Variants in KAZN observed in about 807,000 individuals in gnomAD.
The protein encoded by KAZN is kazrin, periplakin interacting protein, also known as kazrin.
KAZN carries 40 observed loss-of-function variants against 87.4 expected under a neutral mutation model. That is an observed-to-expected ratio of 0.46 (90% CI 0.36 to 0.60). The LOEUF (loss-of-function observed/expected upper bound fraction) is 0.60, where lower values mean the gene tolerates loss of function less well. Among genes scored for constraint, KAZN ranks in the 20% least tolerant of loss-of-function variants. The pLI, the probability that KAZN is intolerant of heterozygous loss-of-function variation, is 0.00. For missense variants in KAZN, 898 were observed against 1,073.9 expected (o/e 0.84, Z 2.29); for synonymous variants, 466 against 458.3 (o/e 1.02, Z -0.22).
At chr1:14,821,664 G>A (rs1023757776) in intron 1 of KAZN, among the ~76,000 whole-genome samples, 1 of 152,112 alleles carries the variant, frequency 6.6e-6, no homozygotes, top group Non-Finnish European at 1.5e-5. Context: ...GAAGACAGCC[G>A]TCTACAAGCC....
rs149428911 is a variant in KAZN at position 14,516,044 on chromosome 1, G to A, written c.250-82939G>A. Among the ~76,000 whole-genome samples, 134 of 152,214 alleles carry A rather than the reference G, an allele frequency of 8.8e-4. 1 individual carries two copies. The highest frequency in any genetic ancestry group is 6.8e-3 in the Middle Eastern group (2 of 294). ...AGAAAAATAGTAAATTAGTAAGATG[G>A]TACTCCAACTGCCTGGCCAACCAGG... is the stretch of plus-strand genomic sequence containing the variant. On this transcript the variant is annotated intron_variant, in intron 2 of 16. Transcript: ENST00000636203.
intron 1 of KAZN, among the ~76,000 whole-genome samples, chr1:13,933,691 T>A (rs985493642): frequency 1.3e-5 from 2 of 152,226 alleles, no homozygotes; most frequent in African/African-American, 4.8e-5. Flanking sequence ...GTCATTTTAA[T>A]GGTGAGAATA....
At chr1:13,983,388 C>T (rs1220572291) in intron 1 of KAZN, among the ~76,000 whole-genome samples, 2 of 152,262 alleles carry the variant, frequency 1.3e-5, no homozygotes, top group Admixed American at 6.5e-5. Flanking sequence ...AGTACACTCT[C>T]CGCAGCCATT....
At chr1:14,757,020 G>A (rs1321092050) in intron 1 of KAZN, among the ~76,000 whole-genome samples, 2 of 152,160 alleles carry the variant, frequency 1.3e-5, no homozygotes, top group Admixed American at 6.6e-5. Flanking sequence ...AGAAATTGTT[G>A]CACATTGTCA....
At chr1:14,670,641 C>T (rs143756664) in intron 1 of KAZN, among the ~76,000 whole-genome samples, 23 of 152,228 alleles carry the variant, frequency 1.5e-4, no homozygotes, top group Non-Finnish European at 2.5e-4. Flanking sequence ...CAAATGAGCC[C>T]GATTCATACC....
chr1:14,321,328 G>A (rs1042340970), intron 2 of KAZN, among the ~76,000 whole-genome samples: 1 of 152,100 alleles, frequency 6.6e-6, no homozygotes, highest in Non-Finnish European at 1.5e-5. Context: ...GCCGAGCAAG[G>A]GGAAAAGGAG....
intron 1 of KAZN, among the ~76,000 whole-genome samples, chr1:13,924,087 G>GT (rs1238054947): frequency 5.9e-5 from 9 of 152,146 alleles, no homozygotes; most frequent in Non-Finnish European, 7.4e-5. Flanking sequence ...CTGTACTTTT[G>GT]TTTTTTTCAT....
chr1:14,822,782 T>C (rs1348446493), intron 1 of KAZN, among the ~76,000 whole-genome samples: 1 of 152,150 alleles, frequency 6.6e-6, no homozygotes, highest in Admixed American at 6.5e-5. Context: ...GCTGGCTCTG[T>C]GGCGAGTGCT....
At chr1:14,185,873 G>A (rs959432740) in intron 2 of KAZN, among the ~76,000 whole-genome samples, 2 of 152,216 alleles carry the variant, frequency 1.3e-5, no homozygotes, top group East Asian at 1.9e-4. Flanking sequence ...CTCTGTCATC[G>A]TTGTAAAATC....
intron 1 of KAZN, among the ~76,000 whole-genome samples, chr1:13,914,384 A>T (rs1054579532): frequency 6.6e-6 from 1 of 152,232 alleles, no homozygotes; most frequent in Non-Finnish European, 1.5e-5. Context: ...TAAAACTTGT[A>T]TGAATTGCAC....
At chr1:14,203,315 C>T (rs937054595) in intron 2 of KAZN, among the ~76,000 whole-genome samples, 1 of 152,094 alleles carries the variant, frequency 6.6e-6, no homozygotes, top group Non-Finnish European at 1.5e-5. Flanking sequence ...TAGAGAATGG[C>T]TTCAGGGCAC....
At chr1:14,446,562 G>A (rs145745341) in intron 2 of KAZN, among the ~76,000 whole-genome samples, 2 of 152,316 alleles carry the variant, frequency 1.3e-5, no homozygotes, top group East Asian at 1.9e-4. Flanking sequence ...GCTAAACCAT[G>A]GAGGCTAGGG....
intron 2 of KAZN, among the ~76,000 whole-genome samples, chr1:14,301,977 C>T (rs921954683): frequency 5.8e-4 from 88 of 152,112 alleles, no homozygotes; most frequent in African/African-American, 1.7e-3. Context: ...TAATATCTAC[C>T]GCTCCCAATT....
At chr1:14,130,596 A>T (rs1460559466) in intron 1 of KAZN, among the ~76,000 whole-genome samples, 1 of 149,768 alleles carries the variant, frequency 6.7e-6, no homozygotes, top group African/African-American at 2.5e-5. Context: ...ACCTTCTGCC[A>T]TCAAAATAAT....
At chr1:14,530,880 T>C (rs1429541568) in intron 2 of KAZN, among the ~76,000 whole-genome samples, 1 of 152,082 alleles carries the variant, frequency 6.6e-6, no homozygotes, top group Non-Finnish European at 1.5e-5. Flanking sequence ...AACCCAGGAA[T>C]TTGAGACTTG....
chr1:14,039,907 T>TAA (rs936053083), intron 1 of KAZN, among the ~76,000 whole-genome samples: 28 of 152,326 alleles, frequency 1.8e-4, no homozygotes, highest in African/African-American at 6.3e-4. Flanking sequence ...CAGCAAATCT[T>TAA]TTTTAACATC....
At chr1:14,679,317 GTAAGTACAC>G (rs1404296501) in intron 1 of KAZN, among the ~76,000 whole-genome samples, 2 of 152,020 alleles carry the variant, frequency 1.3e-5, no homozygotes, top group Admixed American at 1.3e-4. Flanking sequence ...GCAAGGCAGA[GTAAGTACAC>G]CAAGTAAGTT....
chr1:14,547,563 G>A (rs938465874), intron 2 of KAZN, among the ~76,000 whole-genome samples: 5 of 152,064 alleles, frequency 3.3e-5, no homozygotes, highest in African/African-American at 1.2e-4. Context: ...TAGTGTTAAG[G>A]TTTTTAAAAT....
intron 8 of KAZN, among the ~76,000 whole-genome samples, chr1:15,090,066 T>C (rs1168324402): frequency 6.6e-6 from 1 of 152,220 alleles, no homozygotes; most frequent in African/African-American, 2.4e-5. Flanking sequence ...CACACCCCCA[T>C]AGCTTCGCAT....
Sources: allele counts gnomAD v4.1 joint callset (sites outside exome capture counted in the v4.1 genomes callset), GRCh38; gene constraint gnomAD v4.1.1; transcripts MANE v1.5; gene names NCBI Gene and HGNC (gene_info 2026-07-23, HGNC 2026-07-21).